KCNQ3: variants seen among roughly 807,000 people sequenced by gnomAD.
KCNQ3 encodes the protein potassium voltage-gated channel subfamily KQT member 3.
Under a neutral mutation model 92.5 loss-of-function variants are expected in KCNQ3, and 30 were observed. The observed-to-expected ratio is 0.32, with a 90% CI of 0.24 to 0.44. The LOEUF (loss-of-function observed/expected upper bound fraction) is 0.44, where lower values mean the gene tolerates loss of function less well. Ranked by LOEUF, KCNQ3 falls within the 20% of genes least tolerant of loss-of-function variation. KCNQ3 has a pLI of 1.00. For synonymous variants in KCNQ3, 450 were observed against 468.8 expected (o/e 0.96, Z 0.52); for missense variants, 913 against 1,140.3 (o/e 0.80, Z 2.87).
Position 132,480,631 on chromosome 8 carries a change from C to A in KCNQ3, c.-99G>T. The A allele has an allele frequency of 2.6e-6, 3 of 1,164,470 alleles. No individual in the cohort carries two copies. Among genetic ancestry groups the A allele is most frequent in the Admixed American group, 3.0e-5 (1 of 33,468 alleles). The allele number at this position is 1,164,470 out of a possible 1,614,324, so 72.1% of individuals were successfully genotyped here. ...ACGAGGCGGCGGCGGCGGCTGCAAG[C>A]CCGGGAACTCCAATGCCATGATCCG... On this transcript the variant is annotated 5_prime_UTR_variant, in exon 1 of 15. Transcript: ENST00000388996.
chr8:132,313,610 A>G lies in KCNQ3; in HGVS notation c.387-127429T>C, dbSNP rs543643841. Among the ~76,000 whole-genome samples, 3 of 152,340 alleles carry G rather than the reference A, an allele frequency of 2.0e-5. No individual in the cohort carries two copies. In the South Asian group the frequency reaches 6.2e-4, roughly 32 times the overall value. On this transcript the variant is annotated intron_variant, in intron 1 of 14. Coordinates refer to ENST00000388996, the MANE Select transcript of KCNQ3 (RefSeq NM_004519.4). ...AAAAATCTAGTAAACTGAAAATGGAAGGTTATTTTGCTGACATGAGGAAAT... is the reference window on the plus strand; with the variant it reads ...AAAAATCTAGTAAACTGAAAATGGAGGGTTATTTTGCTGACATGAGGAAAT...
chr8:132,159,191 C>A (rs1048276948), intron 9 of KCNQ3, among the ~76,000 whole-genome samples: 2 of 152,170 alleles, frequency 1.3e-5, no homozygotes, highest in Admixed American at 6.5e-5. Context: ...GTTAACTGTT[C>A]ACGTTCTTTA....
intron 1 of KCNQ3, among the ~76,000 whole-genome samples, chr8:132,396,872 T>C (rs1048150194): frequency 4.6e-5 from 7 of 151,922 alleles, no homozygotes; most frequent in African/African-American, 1.5e-4. Context: ...TCCTAAGTAG[T>C]TGGAGGGATC....
chr8:132,234,338 G>GTTT (rs756218792), intron 1 of KCNQ3, among the ~76,000 whole-genome samples: 3,246 of 85,674 alleles, frequency 0.038, 275 homozygotes, highest in Admixed American at 0.052. Flanking sequence ...TCCATGAAAA[G>GTTT]TTTTTTTTTT....
intron 1 of KCNQ3, among the ~76,000 whole-genome samples, chr8:132,413,291 G>A (rs1478476697): frequency 6.6e-6 from 1 of 152,128 alleles, no homozygotes; most frequent in Non-Finnish European, 1.5e-5. Flanking sequence ...TCATCTATTT[G>A]CAGCTTTCTG....
intron 1 of KCNQ3, among the ~76,000 whole-genome samples, chr8:132,335,435 A>T (rs2130671637): frequency 6.6e-6 from 1 of 151,924 alleles, no homozygotes; most frequent in South Asian, 2.1e-4. Flanking sequence ...CTACTCTGCA[A>T]CTCTATCCCC....
intron 1 of KCNQ3, among the ~76,000 whole-genome samples, chr8:132,264,972 G>T (rs1815933931): frequency 6.6e-6 from 1 of 152,184 alleles, no homozygotes; most frequent in Admixed American, 6.6e-5. Context: ...ACCCAGGCTT[G>T]GGTTTAGACA....
chr8:132,200,646 G>T (rs1331943640), intron 1 of KCNQ3, among the ~76,000 whole-genome samples: 2 of 152,152 alleles, frequency 1.3e-5, no homozygotes, highest in Non-Finnish European at 2.9e-5. Flanking sequence ...TTTTATGGAG[G>T]TCTCTTTAAA....
intron 1 of KCNQ3, among the ~76,000 whole-genome samples, chr8:132,363,294 T>C (rs1819222424): frequency 1.3e-5 from 2 of 152,182 alleles, no homozygotes; most frequent in African/African-American, 4.8e-5. Flanking sequence ...TAGATTATGA[T>C]GCTGGACTTC....
intron 1 of KCNQ3, among the ~76,000 whole-genome samples, chr8:132,407,149 A>AG (rs1322321220): frequency 2.0e-5 from 3 of 152,214 alleles, no homozygotes; most frequent in Admixed American, 2.0e-4. Context: ...GGGAGTGGTG[A>AG]GTTAGGCAGG....
intron 1 of KCNQ3, among the ~76,000 whole-genome samples, chr8:132,279,842 G>A (rs1389100938): frequency 4.3e-5 from 6 of 139,440 alleles, no homozygotes; most frequent in East Asian, 4.8e-4. Flanking sequence ...GTGCGTGTAT[G>A]TGTATATATG....
intron 8 of KCNQ3, among the ~76,000 whole-genome samples, chr8:132,164,572 C>T (rs1226904818): frequency 2.0e-5 from 3 of 152,004 alleles, no homozygotes; most frequent in African/African-American, 4.8e-5. Flanking sequence ...ATTCTCTGGG[C>T]CCATTTCCCC....
At chr8:132,346,264 C>G (rs1818686883) in intron 1 of KCNQ3, among the ~76,000 whole-genome samples, 1 of 152,092 alleles carries the variant, frequency 6.6e-6, no homozygotes, top group Non-Finnish European at 1.5e-5. Flanking sequence ...ATATGGGTAC[C>G]CTGCTTGGGC....
intron 1 of KCNQ3, among the ~76,000 whole-genome samples, chr8:132,339,160 G>A (rs1818448187): frequency 6.6e-6 from 1 of 152,140 alleles, no homozygotes; most frequent in South Asian, 2.1e-4. Context: ...CCCCTCTCTA[G>A]GCCTGAGGCA....
At chr8:132,242,624 A>G (rs906651736) in intron 1 of KCNQ3, among the ~76,000 whole-genome samples, 1 of 152,230 alleles carries the variant, frequency 6.6e-6, no homozygotes, top group Admixed American at 6.5e-5. Flanking sequence ...TCATAGATAC[A>G]CTAAAAATAT....
intron 1 of KCNQ3, among the ~76,000 whole-genome samples, chr8:132,259,627 G>A (rs370320246): frequency 3.9e-5 from 6 of 152,158 alleles, no homozygotes; most frequent in South Asian, 4.1e-4. Flanking sequence ...ATTTCTATTC[G>A]ACTTTGGACT....
chr8:132,156,419 C>T (rs772958995), intron 9 of KCNQ3, among the ~76,000 whole-genome samples: 7 of 152,058 alleles, frequency 4.6e-5, no homozygotes, highest in South Asian at 2.1e-4. Context: ...TCAGTCCCTA[C>T]GGCTATGACT....
At chr8:132,182,964 A>C (rs190950941) in intron 3 of KCNQ3, among the ~76,000 whole-genome samples, 117 of 152,208 alleles carry the variant, frequency 7.7e-4, no homozygotes, top group African/African-American at 2.8e-3. Flanking sequence ...CAAACCTCAG[A>C]AGTCCAACCT....
intron 8 of KCNQ3, among the ~76,000 whole-genome samples, chr8:132,167,692 A>T (rs1286885800): frequency 6.6e-6 from 1 of 152,250 alleles, no homozygotes; most frequent in Non-Finnish European, 1.5e-5. Flanking sequence ...AAAGAAATAT[A>T]TTCTCTTAGT....
Sources: gnomAD v4.1 joint callset for allele counts (sites outside exome capture counted in the v4.1 genomes callset) on GRCh38, gnomAD v4.1.1 for gene constraint, MANE v1.5 for transcripts, NCBI Gene and HGNC (gene_info 2026-07-23, HGNC 2026-07-21) for gene names.